The following EXOC3L2 variants were observed in gnomAD, a reference collection of about 807,000 sequenced individuals.
EXOC3L2 encodes exocyst complex component 3-like protein 2.
EXOC3L2 carries 17 observed loss-of-function variants against 44.4 expected under a neutral mutation model. That is an observed-to-expected ratio of 0.38 (90% confidence interval 0.26 to 0.57). EXOC3L2 has a LOEUF of 0.57. Among genes scored for constraint, EXOC3L2 ranks in the 20% least tolerant of loss-of-function variants. The pLI is 0.65. For synonymous variants in EXOC3L2, 256 were observed against 253.7 expected, an observed-to-expected ratio of 1.01 and a Z score of -0.09; for missense variants, 541 against 588.4, an observed-to-expected ratio of 0.92 and a Z score of 0.83.
chr19:45,219,393 CAAAA>C (rs950797638), intron 8 of EXOC3L2, among the ~76,000 whole-genome samples: 5 of 51,540 alleles, frequency 9.7e-5, no homozygotes, highest in African/African-American at 3.6e-4. Flanking sequence ...GGCCCCGTCT[CAAAA>C]AAAAAAAAAA....
chr19:45,213,247 A>G lies in EXOC3L2; in HGVS notation c.2231T>C (p.Leu744Pro), dbSNP rs781433775. The change falls in exon 12 of 12, where the codon CTG (leucine) becomes CCG (proline). Residue 744 changes from leucine (L) to proline (P), a missense_variant. Physicochemically the swap from Leu to Pro is moderately conservative, Grantham distance 98. Coordinates refer to ENST00000413988, the MANE Select transcript of EXOC3L2 (RefSeq NM_001382422.1). ...RDLELSEEGA[L>P]SPPRDRAFFA... ...GAAGGCACGGTCCCGAGGGGGTGAC[A>G]GGGCTCCCTCCTCAGAGAGTTCCAG... 8 of 1,613,334 alleles carry G rather than the reference A, an allele frequency of 5.0e-6. No homozygotes were observed. The highest frequency in any genetic ancestry group is 6.8e-6 in the Non-Finnish European group (8 of 1,179,622).
At chr19:45,244,611 G>A (rs150518375) in intron 1 of EXOC3L2, among the ~76,000 whole-genome samples, 89 of 151,944 alleles carry the variant, frequency 5.9e-4, no homozygotes, top group African/African-American at 1.9e-3. Flanking sequence ...TCTCAGGCCC[G>A]CAGGATGTCT....
chr19:45,227,584 C>G, intron 7 of EXOC3L2, 78 bp downstream of exon 7: 6 of 1,267,286 alleles, frequency 4.7e-6, no homozygotes, highest in Non-Finnish European at 6.7e-6. Flanking sequence ...TCTGCAATCC[C>G]CACCCAGGAT....
At position 45,217,555 on chromosome 19, in the gene EXOC3L2, C is replaced by A. The variant is rs763798851; in HGVS notation, c.1971G>T (p.Ala657=). ...GCCGCCGGAACAGCCTCTGCAGTTG[C>A]GCCGCGTCCTCCCGGAGCCTGCCGG... ...RVAGRLREDA[A]QLQRLFRRLE... The change falls in exon 10 of 12, where the codon GCG becomes GCT. Residue 657 remains alanine (A), a synonymous_variant. Coordinates refer to ENST00000413988, the MANE Select transcript of EXOC3L2 (RefSeq NM_001382422.1). The A allele has an allele frequency of 1.9e-5, 30 of 1,570,174 alleles. No individual in the cohort carries two copies. Among genetic ancestry groups the A allele is most frequent in the Non-Finnish European group, 2.5e-5 (29 of 1,165,164 alleles).
chr19:45,233,809 G>A (rs555050457), intron 3 of EXOC3L2, among the ~76,000 whole-genome samples: 89 of 152,270 alleles, frequency 5.8e-4, no homozygotes, highest in Non-Finnish European at 2.9e-5. Flanking sequence ...GAGATTTTAG[G>A]AACGGAAAAG....
intron 1 of EXOC3L2, among the ~76,000 whole-genome samples, chr19:45,241,472 C>T (rs1970130817): frequency 7.9e-6 from 1 of 126,168 alleles, no homozygotes; most frequent in South Asian, 2.7e-4. Flanking sequence ...AGCAAGACTC[C>T]ATCTCAAAAA....
chr19:45,218,053 G>A (rs1452471856), intron 9 of EXOC3L2, 144 bp downstream of exon 9: 6 of 1,186,144 alleles, frequency 5.1e-6, no homozygotes, highest in East Asian at 5.3e-5. Flanking sequence ...ACAGGGAGCC[G>A]CTCCCCACCT....
chr19:45,226,043 C>T (rs917335307), intron 7 of EXOC3L2, among the ~76,000 whole-genome samples: 1 of 152,200 alleles, frequency 6.6e-6, no homozygotes. Flanking sequence ...TTCTCACGCT[C>T]CTTTTTAACA....
intron 8 of EXOC3L2, among the ~76,000 whole-genome samples, chr19:45,223,454 T>G (rs545638858): frequency 6.6e-6 from 1 of 152,096 alleles, no homozygotes; most frequent in East Asian, 2.0e-4. Flanking sequence ...GCAATTCTCC[T>G]GCCTCAGCCT....
chr19:45,228,082 G>T lies in EXOC3L2; in HGVS notation c.1372-8C>A. ...TGTGTGCTCTTCCAGCAGCTGTGAG[G>T]TCCAGGGCGACAAGAAGAGGTGAGG... On this transcript the variant is annotated splice_region_variant and splice_polypyrimidine_tract_variant and intron_variant, in intron 5 of 11. Transcript: ENST00000413988. 1 of 1,614,108 alleles carries T rather than the reference G, an allele frequency of 6.2e-7. No homozygotes were observed. The highest frequency in any genetic ancestry group is 8.5e-7 in the Non-Finnish European group (1 of 1,180,010).
chr19:45,229,386 T>C (rs1221893507), intron 4 of EXOC3L2, among the ~76,000 whole-genome samples: 2 of 146,330 alleles, frequency 1.4e-5, no homozygotes, highest in South Asian at 2.1e-4. Context: ...TAAATATTAG[T>C]ATAAGCTATA....
rs1970104244 is a variant in EXOC3L2, at chr19:45,238,672, G to C, written c.374C>G (p.Ala125Gly). 1 of 399,052 alleles carries C rather than the reference G, an allele frequency of 2.5e-6. No individual in the cohort carries two copies. Among genetic ancestry groups the C allele is most frequent in the African/African-American group, 2.1e-5 (1 of 48,632 alleles). 24.7% of individuals were successfully genotyped at this position (399,052 alleles called of 1,614,324 possible). The change falls in exon 2 of 12, where the codon GCC becomes GGC. Residue 125 changes from alanine (A) to glycine (G), a missense_variant. Transcript: ENST00000413988. This position sits in a 1 kb window ranked among gnomAD's most constrained non-coding sequence, Gnocchi z 5.5. The part of the protein sequence containing the change: ...AHGDEEAAGE[A>G]ARRLAFLRLG... Reference sequence around the variant, plus strand: ...TCTCAGGAAGGCCAGTCTCCGGGCGGCCTCCCCCGCTGCCTCCTCGTCGCC... The same window carrying C: ...TCTCAGGAAGGCCAGTCTCCGGGCGCCCTCCCCCGCTGCCTCCTCGTCGCC...
At chr19:45,221,821 TTTA>T (rs1302436282) in intron 8 of EXOC3L2, among the ~76,000 whole-genome samples, 1 of 151,736 alleles carries the variant, frequency 6.6e-6, no homozygotes, top group Non-Finnish European at 1.5e-5. Context: ...CTTATTGTTT[TTTA>T]TTTTTTGTAG....
Position 45,224,810 on chromosome 19 carries a change from C to T in EXOC3L2, c.1687G>A (p.Val563Ile), listed in dbSNP as rs770466337. ...TCCTGGAACAGCAGGTTGGCCACGA[C>T]ACGGTGGCAGAGCCGGGTCACATGG... ...LDHVTRLCHR[V>I]VANLLFQELQ... Residue 563 changes from valine to isoleucine, a missense_variant, in exon 8 of 12, where the codon GTC (valine) becomes ATC (isoleucine). Transcript: ENST00000413988. 10 of 1,572,242 alleles carry T rather than the reference C, an allele frequency of 6.4e-6. No individual in the cohort carries two copies. In the South Asian group the frequency reaches 1.2e-4, roughly 18 times the overall value.
chr19:45,223,121 A>G (rs972452568), intron 8 of EXOC3L2, among the ~76,000 whole-genome samples: 1 of 152,032 alleles, frequency 6.6e-6, no homozygotes, highest in African/African-American at 2.4e-5. Flanking sequence ...AGGGCGAGGT[A>G]GCTCACACCT....
chr19:45,227,812 C>T, intron 6 of EXOC3L2, 40 bp from the exon 7 acceptor site: 3 of 1,581,278 alleles, frequency 1.9e-6, no homozygotes, highest in Non-Finnish European at 2.6e-6. Context: ...GCCACTGGGT[C>T]AGGGTCCCTC....
At chr19:45,233,281 A>G (rs1449854371) in intron 3 of EXOC3L2, among the ~76,000 whole-genome samples, 1 of 152,228 alleles carries the variant, frequency 6.6e-6, no homozygotes, top group African/African-American at 2.4e-5. Flanking sequence ...TTGAGGTTCT[A>G]AGACCAAAAG....
chr19:45,224,718 G>C (rs1969936235), intron 8 of EXOC3L2, 60 bp downstream of exon 8: 3 of 1,517,236 alleles, frequency 2.0e-6, no homozygotes, highest in African/African-American at 2.8e-5. Flanking sequence ...GGAGGATGGT[G>C]GGGGGCAGCG....
At chr19:45,224,280 C>T (rs1319878450) in intron 8 of EXOC3L2, among the ~76,000 whole-genome samples, 1 of 151,964 alleles carries the variant, frequency 6.6e-6, no homozygotes, top group Non-Finnish European at 1.5e-5. Flanking sequence ...TTGGCATTTG[C>T]TCTGCGTGAG....
Sources: allele counts gnomAD v4.1 joint callset (sites outside exome capture counted in the v4.1 genomes callset), GRCh38; gene constraint gnomAD v4.1.1; non-coding constraint Gnocchi (gnomAD v3.1); transcripts MANE v1.5; gene names NCBI Gene and HGNC (gene_info 2026-07-23, HGNC 2026-07-21).